TBX15: variants seen among roughly 807,000 people sequenced by gnomAD.
TBX15 encodes the protein T-box transcription factor TBX15.
Under a neutral mutation model 53.9 loss-of-function variants are expected in TBX15, and 18 were observed. That is an observed-to-expected ratio of 0.33 (90% confidence interval 0.23 to 0.49). TBX15 has a LOEUF of 0.49. Ranked by LOEUF, TBX15 falls within the 20% of genes least tolerant of loss-of-function variation. TBX15 has a pLI of 0.98. For synonymous variants in TBX15, 295 were observed against 278.0 expected, an observed-to-expected ratio of 1.06 and a Z score of -0.61; for missense variants, 692 against 749.5, an observed-to-expected ratio of 0.92 and a Z score of 0.90.
At chr1:118,901,392 C>T (rs576747646) in intron 6 of TBX15, 22 of 456,522 alleles carry the variant, frequency 4.8e-5, no homozygotes, top group Non-Finnish European at 8.8e-5. Context: ...GCCTAATCAC[C>T]TCTTAAAGGT....
chr1:118,905,507 A>C (rs1377919218), intron 6 of TBX15, among the ~76,000 whole-genome samples: 1 of 152,208 alleles, frequency 6.6e-6, no homozygotes, highest in Non-Finnish European at 1.5e-5. Context: ...TATGATAAAC[A>C]GCTATGGCCT....
At chr1:118,890,741 G>A in intron 7 of TBX15, 1 of 427,148 alleles carries the variant, frequency 2.3e-6, no homozygotes, top group Non-Finnish European at 4.0e-6. Context: ...GTAATATAAG[G>A]GCTTTCACAT....
intron 3 of TBX15, among the ~76,000 whole-genome samples, chr1:118,925,145 T>C (rs1035227916): frequency 6.6e-6 from 1 of 152,236 alleles, no homozygotes; most frequent in Non-Finnish European, 1.5e-5. Context: ...CACCCCTGTG[T>C]GCACACATGC....
At chr1:118,952,381 T>A (rs1194626528) in intron 1 of TBX15, among the ~76,000 whole-genome samples, 1 of 151,956 alleles carries the variant, frequency 6.6e-6, no homozygotes, top group Non-Finnish European at 1.5e-5. Context: ...ACCCTCACAT[T>A]TTTCAAGGGT....
At chr1:118,899,195 C>T in intron 6 of TBX15, 70 bp from the exon 7 acceptor site, 1 of 1,349,668 alleles carries the variant, frequency 7.4e-7, no homozygotes, top group Non-Finnish European at 1.1e-6. Context: ...TTCAGAGATC[C>T]AGAGGTGGAC....
intron 1 of TBX15, among the ~76,000 whole-genome samples, chr1:118,982,643 T>A (rs1657684568): frequency 6.6e-6 from 1 of 152,242 alleles, no homozygotes; most frequent in African/African-American, 2.4e-5. Flanking sequence ...CATTCTTCAC[T>A]CCTCACATGC....
intron 1 of TBX15, among the ~76,000 whole-genome samples, chr1:118,974,721 A>C: frequency 6.6e-6 from 1 of 152,166 alleles, no homozygotes; most frequent in East Asian, 1.9e-4. Flanking sequence ...AAACAAGGCT[A>C]CTCTAAATAG....
chr1:118,982,752 A>G (rs1013717616), intron 1 of TBX15, among the ~76,000 whole-genome samples: 2 of 152,238 alleles, frequency 1.3e-5, no homozygotes, highest in African/African-American at 4.8e-5. Flanking sequence ...AAAATGGCAG[A>G]CGATTTGTGT....
chr1:118,941,051 C>G (rs961347228), intron 1 of TBX15, among the ~76,000 whole-genome samples: 2 of 152,162 alleles, frequency 1.3e-5, no homozygotes, highest in African/African-American at 2.4e-5. Context: ...TCCTAAGGCT[C>G]TTGGCATTTT....
chr1:118,987,921 C>T lies in TBX15; in HGVS notation c.-126G>A. ...GGAGGCGCGTCGGACGAGGCTGAGA[C>T]TGCGGCTCGCGGGTCTCTCCACCCT... is the stretch of plus-strand genomic sequence containing the variant. On this transcript the variant is annotated 5_prime_UTR_variant, in exon 1 of 8. Coordinates refer to ENST00000369429, the MANE Select transcript of TBX15 (RefSeq NM_001330677.2). The T allele has an allele frequency of 4.1e-6, 5 of 1,218,398 alleles. No individual in the cohort carries two copies. The highest frequency in any genetic ancestry group is 5.7e-6 in the Non-Finnish European group (5 of 884,494). The allele number at this position is 1,218,398 out of a possible 1,614,324, so 75.5% of individuals were successfully genotyped here.
rs1334606509 is a variant in TBX15 at position 118,914,297 on chromosome 1, C to T, written c.862-118G>A. ...ACAGTTGTTGCTTTTATTTAATTTC[C>T]TTTCAGCTCAAGATTTAATTTGAAG... On this transcript the variant is annotated intron_variant, in intron 5 of 7. Transcript: ENST00000369429. The T allele has an allele frequency of 5.1e-6, 5 of 984,204 alleles. No individual in the cohort carries two copies. The East Asian group carries it at 7.9e-5, about 16-fold the overall frequency. The allele number at this position is 984,204 out of a possible 1,614,324, so 61.0% of individuals were successfully genotyped here. A position where few individuals can be genotyped will look rare whatever the true frequency, so the allele number is the denominator to read the frequency against.
At chr1:118,901,993 T>C (rs1196781432) in intron 6 of TBX15, among the ~76,000 whole-genome samples, 2 of 152,136 alleles carry the variant, frequency 1.3e-5, no homozygotes, top group Admixed American at 6.5e-5. Flanking sequence ...AAAAAAATAA[T>C]GGCTAAGACC....
chr1:118,948,294 T>C (rs533106053), intron 1 of TBX15, among the ~76,000 whole-genome samples: 12 of 151,656 alleles, frequency 7.9e-5, no homozygotes, highest in African/African-American at 2.2e-4. Context: ...CACCGAGAGA[T>C]TGGCTCTATC....
At chr1:118,885,856 T>C (rs142284731) in intron 7 of TBX15, among the ~76,000 whole-genome samples, 4 of 152,220 alleles carry the variant, frequency 2.6e-5, no homozygotes, top group Non-Finnish European at 5.9e-5. Flanking sequence ...TTTCTCACCA[T>C]CAAATTCACT....
At chr1:118,974,987 T>G (rs1657377132) in intron 1 of TBX15, among the ~76,000 whole-genome samples, 1 of 152,250 alleles carries the variant, frequency 6.6e-6, no homozygotes, top group Non-Finnish European at 1.5e-5. Flanking sequence ...TCATTGCAAC[T>G]GATATGTTTC....
intron 1 of TBX15, among the ~76,000 whole-genome samples, chr1:118,976,220 A>G (rs1039343436): frequency 6.6e-6 from 1 of 152,214 alleles, no homozygotes; most frequent in African/African-American, 2.4e-5. Flanking sequence ...CTCTAAAAAA[A>G]AACTTCCCAG....
Position 118,970,671 on chromosome 1 carries a change from G to A in TBX15, c.205+16920C>T, listed in dbSNP as rs146073000. On this transcript the variant is annotated intron_variant, in intron 1 of 7. Transcript: ENST00000369429. Reference sequence around the variant, plus strand: ...ATTTGACAGGACCAAAAAGCACCTGGCACTCTGTGGATCTCTGCGGCTGAC... The same window carrying A: ...ATTTGACAGGACCAAAAAGCACCTGACACTCTGTGGATCTCTGCGGCTGAC... Among the ~76,000 whole-genome samples, 676 of 152,316 alleles carry A rather than the reference G, an allele frequency of 4.4e-3. 4 individuals are homozygous for A. Among genetic ancestry groups the A allele is most frequent in the African/African-American group, 0.015 (633 of 41,552 alleles).
chr1:118,938,492 T>A (rs1461663281), intron 1 of TBX15, among the ~76,000 whole-genome samples: 1 of 152,186 alleles, frequency 6.6e-6, no homozygotes, highest in Non-Finnish European at 1.5e-5. Flanking sequence ...AGTAATTTTT[T>A]ATATCTGTTT....
Position 118,884,267 on chromosome 1 carries a change from G to A in TBX15, c.*465C>T, listed in dbSNP as rs1653837663. The stretch of plus-strand genomic sequence containing the variant: ...CACCCATTCTGGGCCTCCCTCCACA[G>A]AGTTCACCCAGTTCAGAGTCAGTGT... On this transcript the variant is annotated 3_prime_UTR_variant, in exon 8 of 8. Transcript: ENST00000369429. 5.6e-6 allele frequency: 1 copy of A among 178,422 alleles called. No homozygotes were observed. The highest frequency in any genetic ancestry group is 2.4e-5 in the African/African-American group (1 of 41,772). 11.1% of individuals were successfully genotyped at this position (178,422 alleles called of 1,614,324 possible).
Sources: gnomAD v4.1 joint callset for allele counts (sites outside exome capture counted in the v4.1 genomes callset) on GRCh38, gnomAD v4.1.1 for gene constraint, MANE v1.5 for transcripts, NCBI Gene and HGNC (gene_info 2026-07-23, HGNC 2026-07-21) for gene names.